The following MICU2 variants were observed in gnomAD, a reference collection of about 807,000 sequenced individuals.
MICU2 encodes the protein mitochondrial calcium uptake 2.
A neutral mutation model predicts 60.4 loss-of-function variants in MICU2; 64 were observed. That is an observed-to-expected ratio of 1.06 (90% confidence interval 0.87 to 1.31). The LOEUF (loss-of-function observed/expected upper bound fraction) is 1.31. MICU2 is among the 50% of genes most tolerant of loss of function. The probability of loss-of-function intolerance (pLI) is 0.00; values close to 1 mark genes in which losing one functional copy is unlikely to be tolerated. For synonymous variants in MICU2, 201 were observed against 175.0 expected (o/e 1.15, Z -1.17); for missense variants, 569 against 531.0 (o/e 1.07, Z -0.70).
chr13:21,507,377 C>T (rs1339482747), intron 8 of MICU2, among the ~76,000 whole-genome samples: 1 of 151,976 alleles, frequency 6.6e-6, no homozygotes, highest in East Asian at 1.9e-4. Flanking sequence ...GAAAAATTAT[C>T]CCAGTAATAT....
intron 1 of MICU2, among the ~76,000 whole-genome samples, chr13:21,594,773 C>T (rs1888656867): frequency 6.6e-6 from 1 of 152,120 alleles, no homozygotes; most frequent in Non-Finnish European, 1.5e-5. Flanking sequence ...CAAACTAACA[C>T]AGGAACAGAA....
At chr13:21,547,828 G>T (rs1887451819) in intron 2 of MICU2, among the ~76,000 whole-genome samples, 1 of 152,006 alleles carries the variant, frequency 6.6e-6, no homozygotes, top group Non-Finnish European at 1.5e-5. Context: ...TGCATATAGA[G>T]TTGTTTACCT....
chr13:21,521,360 T>G, intron 5 of MICU2, 33 bp from the exon 6 acceptor site: 1 of 1,571,718 alleles, frequency 6.4e-7, no homozygotes, highest in Non-Finnish European at 8.6e-7. Context: ...TATTTAAATG[T>G]TGATGAAAAC....
chr13:21,516,318 T>C (rs1886569122), intron 6 of MICU2, among the ~76,000 whole-genome samples: 1 of 152,238 alleles, frequency 6.6e-6, no homozygotes, highest in African/African-American at 2.4e-5. Flanking sequence ...TGAAATTAAC[T>C]AGTATGTATT....
At chr13:21,505,722 A>G (rs1021582836) in intron 8 of MICU2, among the ~76,000 whole-genome samples, 1 of 152,122 alleles carries the variant, frequency 6.6e-6, no homozygotes, top group Non-Finnish European at 1.5e-5. Flanking sequence ...TGCACCCACC[A>G]CCTACCAGGG....
chr13:21,543,701 T>C (rs924893108), intron 2 of MICU2, among the ~76,000 whole-genome samples: 4 of 152,040 alleles, frequency 2.6e-5, no homozygotes, highest in African/African-American at 9.7e-5. Flanking sequence ...CCCCGGCTCG[T>C]GGATCAGAAG....
chr13:21,517,795 A>ACGCGCG (rs1256874768), intron 6 of MICU2, among the ~76,000 whole-genome samples: 32 of 118,478 alleles, frequency 2.7e-4, no homozygotes, highest in African/African-American at 5.4e-4. Context: ...ACACACACAC[A>ACGCGCG]CACACGCGCG....
At chr13:21,595,421 A>G (rs1006502692) in intron 1 of MICU2, among the ~76,000 whole-genome samples, 4 of 152,236 alleles carry the variant, frequency 2.6e-5, no homozygotes, top group African/African-American at 9.6e-5. Context: ...ACCACTTCCA[A>G]TTAGTACTGG....
chr13:21,555,794 A>T (rs1231615708), intron 2 of MICU2, among the ~76,000 whole-genome samples: 4 of 152,140 alleles, frequency 2.6e-5, no homozygotes, highest in Non-Finnish European at 5.9e-5. Flanking sequence ...TCACTGAGAA[A>T]AAAAGAAAGA....
chr13:21,497,019 G>A (rs895320899), intron 9 of MICU2, among the ~76,000 whole-genome samples: 1 of 151,930 alleles, frequency 6.6e-6, no homozygotes, highest in South Asian at 2.1e-4. Context: ...CCGAGATCAC[G>A]CCACAGCACT....
chr13:21,554,372 A>G (rs1887649961), intron 2 of MICU2, among the ~76,000 whole-genome samples: 1 of 152,236 alleles, frequency 6.6e-6, no homozygotes, highest in African/African-American at 2.4e-5. Context: ...CTCTGGATTA[A>G]GAAACTCACT....
At position 21,569,858 on chromosome 13, in the gene MICU2, A is replaced by C. The variant is rs1192183281; in HGVS notation, c.211-2914T>G. On this transcript the variant is annotated intron_variant, in intron 1 of 11. Coordinates refer to ENST00000382374, the MANE Select transcript of MICU2 (RefSeq NM_152726.3). The stretch of plus-strand genomic sequence containing the variant: ...AAACACTTACGGCTTGTGAAAGTTA[A>C]CCAGCTTGCCTAGATTGTAAGTGAT... Among the ~76,000 whole-genome samples the C allele has an allele frequency of 2.6e-5, 4 of 151,780 alleles. No homozygotes were observed. In the East Asian group the frequency reaches 7.7e-4, roughly 29 times the overall value.
chr13:21,563,261 C>A (rs532154848), intron 2 of MICU2, among the ~76,000 whole-genome samples: 1 of 152,082 alleles, frequency 6.6e-6, no homozygotes, highest in Non-Finnish European at 1.5e-5. Context: ...CGAGACCATC[C>A]TGGCTAACAC....
chr13:21,502,872 T>C, intron 9 of MICU2, 54 bp downstream of exon 9: 3 of 1,504,390 alleles, frequency 2.0e-6, no homozygotes, highest in Middle Eastern at 1.8e-4. Flanking sequence ...TATGTAAACA[T>C]GTCTAACTTA....
At chr13:21,494,017 G>C (rs1411978747) in intron 11 of MICU2, among the ~76,000 whole-genome samples, 2 of 152,068 alleles carry the variant, frequency 1.3e-5, no homozygotes, top group Admixed American at 6.6e-5. Context: ...TTTTTCTTAT[G>C]ACTGATTTAC....
Position 21,539,366 on chromosome 13 carries a change from A to G in MICU2, c.402T>C (p.Asp134=). The change falls in exon 4 of 12, where the codon GAT becomes GAC. Residue 134 remains aspartate (D), a synonymous_variant. Transcript: ENST00000382374. ...CAGCTGTTTGGATCCCTGACAGTGT[A>G]TCCTCGATGTCCTTTGAATACACAT... ...VKKLTKKDIE[D]TLSGIQTAGC... is the part of the protein sequence containing the mutation. 4 of 1,613,940 alleles carry G rather than the reference A, an allele frequency of 2.5e-6. No individual in the cohort carries two copies. The highest frequency in any genetic ancestry group is 2.5e-6 in the Non-Finnish European group (3 of 1,179,890).
At chr13:21,530,921 A>G in intron 4 of MICU2, 4 of 761,498 alleles carry the variant, frequency 5.3e-6, no homozygotes, top group African/African-American at 5.1e-5. Context: ...CTAGTGCTGC[A>G]GAATGTTGGC....
chr13:21,495,722 G>A (rs1885978622), intron 10 of MICU2: 1 of 216,352 alleles, frequency 4.6e-6, no homozygotes, highest in African/African-American at 2.3e-5. Flanking sequence ...TTTTAGTAGA[G>A]ATGGGGTTTC....
chr13:21,518,455 T>C (rs1475635683), intron 6 of MICU2, among the ~76,000 whole-genome samples: 2 of 152,218 alleles, frequency 1.3e-5, no homozygotes, highest in Non-Finnish European at 2.9e-5. Context: ...CCCACTATTA[T>C]TATCAGGGGC....
Sources: allele counts gnomAD v4.1 joint callset (sites outside exome capture counted in the v4.1 genomes callset), GRCh38; gene constraint gnomAD v4.1.1; transcripts MANE v1.5; gene names NCBI Gene and HGNC (gene_info 2026-07-23, HGNC 2026-07-21).